The following DTNA variants were observed in gnomAD, a reference collection of about 807,000 sequenced individuals.
DTNA encodes the protein dystrophin-related protein 3.
DTNA carries 43 observed loss-of-function variants against 100.7 expected under a neutral mutation model. That is an observed-to-expected ratio of 0.43 (90% CI 0.33 to 0.55). DTNA has a LOEUF of 0.55. Among genes scored for constraint, DTNA ranks in the 20% least tolerant of loss-of-function variants. The probability of loss-of-function intolerance (pLI) is 0.04; values close to 1 mark genes in which losing one functional copy is unlikely to be tolerated. For missense variants in DTNA, 798 were observed against 953.9 expected, an observed-to-expected ratio of 0.84 and a Z score of 2.15; for synonymous variants, 349 against 347.9, an observed-to-expected ratio of 1.00 and a Z score of -0.04.
chr18:34,636,631 TGAA>T (rs1269036299), intron 1 of DTNA, among the ~76,000 whole-genome samples: 2 of 152,166 alleles, frequency 1.3e-5, no homozygotes, highest in African/African-American at 4.8e-5. Context: ...AGCATTATGA[TGAA>T]GAGTGTATTG....
intron 1 of DTNA, among the ~76,000 whole-genome samples, chr18:34,659,885 C>T (rs56219136): frequency 4.6e-5 from 7 of 152,126 alleles, no homozygotes; most frequent in Admixed American, 2.0e-4. Flanking sequence ...TGGCTGCCTA[C>T]GGCTGCTGAA....
At chr18:34,787,151 T>C (rs1345154295) in intron 3 of DTNA, among the ~76,000 whole-genome samples, 1 of 152,228 alleles carries the variant, frequency 6.6e-6, no homozygotes, top group East Asian at 1.9e-4. Flanking sequence ...GATTCCATTG[T>C]GAAGCCACAG....
intron 1 of DTNA, among the ~76,000 whole-genome samples, chr18:34,726,143 T>TA (rs2086631870): frequency 6.6e-6 from 1 of 152,090 alleles, no homozygotes; most frequent in Admixed American, 6.5e-5. Flanking sequence ...AAATACCTAA[T>TA]GTAAATGACG....
chr18:34,611,716 G>A (rs991492919), intron 1 of DTNA, among the ~76,000 whole-genome samples: 2 of 152,146 alleles, frequency 1.3e-5, no homozygotes, highest in Non-Finnish European at 2.9e-5. Flanking sequence ...TTGGTTTGGG[G>A]ACCTGGTTCT....
At chr18:34,653,391 C>T (rs544729809) in intron 1 of DTNA, among the ~76,000 whole-genome samples, 1 of 152,046 alleles carries the variant, frequency 6.6e-6, no homozygotes, top group Non-Finnish European at 1.5e-5. Context: ...TTCTGTGATT[C>T]ATAGTGACTA....
intron 9 of DTNA, chr18:34,821,179 C>A (rs546088867): frequency 8.5e-6 from 5 of 591,506 alleles, no homozygotes; most frequent in Non-Finnish European, 1.6e-5. Context: ...TTATAAAATA[C>A]GGATGTTAGT....
chr18:34,685,910 G>A (rs1568217020), intron 1 of DTNA, among the ~76,000 whole-genome samples: 2 of 152,156 alleles, frequency 1.3e-5, no homozygotes, highest in African/African-American at 4.8e-5. Flanking sequence ...ATTGTGAATG[G>A]GAGTTTGCTC....
At chr18:34,866,080 T>C in intron 17 of DTNA, 1 of 1,612,876 alleles carries the variant, frequency 6.2e-7, no homozygotes, top group Non-Finnish European at 8.5e-7. Context: ...CCCTGGGTAA[T>C]CTAACTGTTA....
intron 1 of DTNA, among the ~76,000 whole-genome samples, chr18:34,524,623 T>G (rs913920814): frequency 6.6e-6 from 1 of 152,180 alleles, no homozygotes; most frequent in Non-Finnish European, 1.5e-5. Flanking sequence ...TATCCATTAC[T>G]GGATTTGGAC....
intron 1 of DTNA, among the ~76,000 whole-genome samples, chr18:34,528,847 C>T (rs2042888626): frequency 6.6e-6 from 1 of 151,940 alleles, no homozygotes; most frequent in South Asian, 2.1e-4. Flanking sequence ...TAGTTGATAC[C>T]AGTAGCATAA....
chr18:34,848,215 G>T, intron 13 of DTNA, 81 bp from the exon 14 acceptor site: 1 of 1,390,910 alleles, frequency 7.2e-7, no homozygotes, highest in Non-Finnish European at 1.0e-6. Context: ...CATTGAAATA[G>T]TAAAAACTCC....
chr18:34,870,825 A>G (rs2096758162), intron 17 of DTNA, among the ~76,000 whole-genome samples: 1 of 151,888 alleles, frequency 6.6e-6, no homozygotes, highest in Non-Finnish European at 1.5e-5. Context: ...ACACTTTCTC[A>G]TTTCTGCCTG....
chr18:34,744,475 C>G (rs1480425), intron 1 of DTNA, among the ~76,000 whole-genome samples: 151,585 of 152,296 alleles, frequency 1, 75,446 homozygotes, highest in Middle Eastern at 1. Context: ...TATCATGAGG[C>G]TTTCTGTCTA....
chr18:34,599,572 C>T (rs1183317638), intron 1 of DTNA, among the ~76,000 whole-genome samples: 2 of 151,662 alleles, frequency 1.3e-5, no homozygotes, highest in Non-Finnish European at 3.0e-5. Flanking sequence ...AAAGGGAAAA[C>T]AAAACCCTCA....
intron 1 of DTNA, among the ~76,000 whole-genome samples, chr18:34,589,618 CAA>C (rs2049487736): frequency 6.6e-6 from 1 of 151,648 alleles, no homozygotes; most frequent in African/African-American, 2.4e-5. Context: ...CAAAACAAAA[CAA>C]AACGAAAAAA....
At chr18:34,869,315 CA>C (rs1186625068) in intron 17 of DTNA, among the ~76,000 whole-genome samples, 2 of 150,334 alleles carry the variant, frequency 1.3e-5, no homozygotes, top group Non-Finnish European at 3.0e-5. Context: ...CACTCACATA[CA>C]CACACACACA....
rs141045229 is a variant in DTNA, at chr18:34,701,773, T to C, written c.-1-54203T>C. 2.0e-4 allele frequency among the ~76,000 whole-genome samples: 30 copies of C among 152,262 alleles called. No individual in the cohort carries two copies. The East Asian group carries it at 5.4e-3, about 27-fold the overall frequency. Reference sequence around the variant, plus strand: ...TGTTTAAATACTTTATTCTCACTCGTTTTCCCACATTCAATCTGTGACTGA... The same window carrying C: ...TGTTTAAATACTTTATTCTCACTCGCTTTCCCACATTCAATCTGTGACTGA... On this transcript the variant is annotated intron_variant, in intron 1 of 19. Transcript: ENST00000283365.
chr18:34,795,088 T>A (rs990571385), intron 4 of DTNA, among the ~76,000 whole-genome samples: 2 of 152,148 alleles, frequency 1.3e-5, no homozygotes, highest in African/African-American at 2.4e-5. Context: ...TACCACCCCC[T>A]CCACTTCCAC....
At chr18:34,846,741 G>A (rs2096386274) in intron 13 of DTNA, among the ~76,000 whole-genome samples, 1 of 152,018 alleles carries the variant, frequency 6.6e-6, no homozygotes, top group African/African-American at 2.4e-5. Flanking sequence ...TAGCCAAAAT[G>A]CTGGAAGAAC....
Sources: allele counts gnomAD v4.1 joint callset (sites outside exome capture counted in the v4.1 genomes callset), GRCh38; gene constraint gnomAD v4.1.1; transcripts MANE v1.5; gene names NCBI Gene and HGNC (gene_info 2026-07-23, HGNC 2026-07-21).